The following SMC6 variants were observed in gnomAD, a reference collection of about 807,000 sequenced individuals.
SMC6 encodes the protein structural maintenance of chromosomes protein 6.
In SMC6, 79 loss-of-function variants were observed where a neutral mutation model predicts 142.2. The observed-to-expected ratio is 0.56, with a 90% CI of 0.46 to 0.67. The LOEUF (loss-of-function observed/expected upper bound fraction) is 0.67. Among genes scored for constraint, SMC6 ranks in the 30% least tolerant of loss-of-function variants. SMC6 has a pLI of 0.00. For missense variants in SMC6, 1,072 were observed against 1,284.0 expected (o/e 0.83, Z 2.52); for synonymous variants, 411 against 412.4 (o/e 1.00, Z 0.04).
chr2:17,678,444 C>T (rs1667094075), intron 25 of SMC6, among the ~76,000 whole-genome samples: 1 of 151,938 alleles, frequency 6.6e-6, no homozygotes, highest in Non-Finnish European at 1.5e-5. Flanking sequence ...TCAAAGACAA[C>T]AGGTTAAAGT....
At chr2:17,739,879 A>AACACACACACACACACACACACAC (rs60784309) in intron 4 of SMC6, among the ~76,000 whole-genome samples, 1 of 115,456 alleles carries the variant, frequency 8.7e-6, no homozygotes, top group Admixed American at 9.4e-5. Flanking sequence ...GAATATGGTA[A>AACACACACACACACACACACACAC]ACACACACAC....
At chr2:17,674,833 A>G (rs1490071234) in intron 25 of SMC6, among the ~76,000 whole-genome samples, 1 of 152,098 alleles carries the variant, frequency 6.6e-6, no homozygotes, top group Non-Finnish European at 1.5e-5. Flanking sequence ...CAGCTTAACC[A>G]GCTTCCCTTT....
Position 17,703,135 on chromosome 2 carries a change from TTTATTA to T in SMC6, c.2142+16_2142+21del. The T allele has an allele frequency of 1.6e-6, 2 of 1,277,510 alleles. No individual in the cohort carries two copies. Among genetic ancestry groups the T allele is most frequent in the South Asian group, 1.4e-5 (1 of 70,498 alleles). 79.1% of individuals were successfully genotyped at this position (1,277,510 alleles called of 1,614,324 possible). ...GTAAGTTGAAAAAAACAAAAGAAGGTTTATTATTATTATTTTTTTACCTTTAGTTCT... is the reference window on the plus strand; with the variant it reads ...GTAAGTTGAAAAAAACAAAAGAAGGTTTATTATTTTTTTACCTTTAGTTCT... On this transcript the variant is annotated intron_variant, in intron 19 of 27. Coordinates refer to ENST00000448223, the MANE Select transcript of SMC6 (RefSeq NM_001142286.2).
intron 21 of SMC6, among the ~76,000 whole-genome samples, chr2:17,697,647 T>C (rs1020307747): frequency 1.3e-5 from 2 of 152,116 alleles, no homozygotes; most frequent in Non-Finnish European, 2.9e-5. Flanking sequence ...CACAATGAGA[T>C]ACCACTTCTC....
chr2:17,685,500 C>T (rs62130874), intron 23 of SMC6, among the ~76,000 whole-genome samples: 3,798 of 152,158 alleles, frequency 0.025, 78 homozygotes, highest in South Asian at 0.057. Flanking sequence ...AATATTCATA[C>T]ACACCATTCT....
At chr2:17,724,253 AC>A (rs900572058) in intron 9 of SMC6, among the ~76,000 whole-genome samples, 4 of 152,210 alleles carry the variant, frequency 2.6e-5, no homozygotes, top group African/African-American at 9.6e-5. Context: ...CTTAAACACC[AC>A]CACATAACCC....
chr2:17,729,195 T>C (rs1669786486), intron 7 of SMC6, among the ~76,000 whole-genome samples: 1 of 152,244 alleles, frequency 6.6e-6, no homozygotes, highest in Non-Finnish European at 1.5e-5. Flanking sequence ...TATTCCTTTA[T>C]ATTAAGTTTT....
At position 17,714,973 on chromosome 2, in the gene SMC6, C is replaced by T; in HGVS notation, c.1618G>A (p.Ala540Thr). 1 of 1,613,954 alleles carries T rather than the reference C, an allele frequency of 6.2e-7. No homozygotes were observed. The highest frequency in any genetic ancestry group is 1.1e-5 in the South Asian group (1 of 91,080). ...AGTGCCTGAAGGACCCTTTCATCAG[C>T]ATGATTATGGCAACAATAGGCCTGC... ...LLQAYCCHNH[A>T]DERVLQALMK... is the part of the protein sequence containing the mutation. Residue 540 changes from alanine (A) to threonine (T), a missense_variant, in exon 16 of 28, where the codon GCT becomes ACT. Physicochemically the swap from Ala to Thr is moderately conservative, Grantham distance 58 (BLOSUM62 0). Coordinates refer to ENST00000448223, the MANE Select transcript of SMC6 (RefSeq NM_001142286.2).
At position 17,741,333 on chromosome 2, in the gene SMC6, C is replaced by T. The variant is rs569644861; in HGVS notation, c.238+279G>A. 2.0e-5 allele frequency among the ~76,000 whole-genome samples: 3 copies of T among 152,234 alleles called. No homozygotes were observed. The South Asian group carries it at 6.2e-4, about 32-fold the overall frequency. ...AGGCTGCCTCAATTGCAATGAGGATCGCTTGTCTACCCTTCTATGGTACAG... is the reference window on the plus strand; with the variant it reads ...AGGCTGCCTCAATTGCAATGAGGATTGCTTGTCTACCCTTCTATGGTACAG... On this transcript the variant is annotated intron_variant, in intron 4 of 27. Transcript: ENST00000448223.
rs77887885 is a variant in SMC6 at position 17,719,225 on chromosome 2, C to T, written c.946-1002G>A. Among the ~76,000 whole-genome samples the T allele has an allele frequency of 4.8e-3, 735 of 152,196 alleles. 4 individuals carry two copies. The highest frequency in any genetic ancestry group is 0.016 in the African/African-American group (682 of 41,516). ...ATTGTTTTTTTAATAAAAATGAAAGCTGGATCCAGGTTTTATATAAACTAA... is the reference window on the plus strand; with the variant it reads ...ATTGTTTTTTTAATAAAAATGAAAGTTGGATCCAGGTTTTATATAAACTAA... On this transcript the variant is annotated intron_variant, in intron 11 of 27. Coordinates refer to ENST00000448223, the MANE Select transcript of SMC6 (RefSeq NM_001142286.2).
chr2:17,750,484 A>T (rs1295560395), intron 2 of SMC6, among the ~76,000 whole-genome samples: 1 of 152,210 alleles, frequency 6.6e-6, no homozygotes, highest in African/African-American at 2.4e-5. Context: ...AATGACTTGA[A>T]TTTATGTAGC....
At position 17,707,403 on chromosome 2, in the gene SMC6, T is replaced by A. The variant is rs531944134; in HGVS notation, c.1846-24A>T. On this transcript the variant is annotated intron_variant, in intron 17 of 27. Coordinates refer to ENST00000448223, the MANE Select transcript of SMC6 (RefSeq NM_001142286.2). ...TTCTAAAAGAATAGAAGAAAATAAA[T>A]TTTTTAAGACGATGTGAAAATTTTT... The A allele has an allele frequency of 2.5e-5, 35 of 1,405,398 alleles. No homozygotes were observed. The East Asian group carries it at 5.6e-4, about 23-fold the overall frequency. 87.1% of individuals were successfully genotyped at this position (1,405,398 alleles called of 1,614,324 possible). A position where few individuals can be genotyped will look rare whatever the true frequency, so the allele number is the denominator to read the frequency against.
At chr2:17,724,674 G>A (rs890218242) in intron 9 of SMC6, among the ~76,000 whole-genome samples, 3 of 152,186 alleles carry the variant, frequency 2.0e-5, no homozygotes, top group Non-Finnish European at 4.4e-5. Context: ...ACAAATTGAA[G>A]TAAGTCATGG....
intron 11 of SMC6, 31 bp from the exon 12 acceptor site, chr2:17,718,254 T>A (rs769952347): frequency 4.7e-6 from 7 of 1,498,240 alleles, no homozygotes; most frequent in Middle Eastern, 1.9e-4. Context: ...TGAAGTATAT[T>A]TTTTCTTCAA....
chr2:17,681,524 C>A (rs569351463), intron 24 of SMC6: 1 of 152,278 alleles, frequency 6.6e-6, no homozygotes, highest in South Asian at 2.1e-4. Context: ...CTCTTCCTTT[C>A]ACTTGGACAC....
At chr2:17,700,580 A>G (rs1206888325) in intron 20 of SMC6, among the ~76,000 whole-genome samples, 1 of 152,200 alleles carries the variant, frequency 6.6e-6, no homozygotes, top group Non-Finnish European at 1.5e-5. Flanking sequence ...ATCAGAAGGG[A>G]TGATATTTAG....
rs575180271 is a variant in SMC6, at chr2:17,685,211, A to C, written c.2679-1448T>G. On this transcript the variant is annotated intron_variant, in intron 23 of 27. Coordinates refer to ENST00000448223, the MANE Select transcript of SMC6 (RefSeq NM_001142286.2). Reference sequence around the variant, plus strand: ...ACATAACTAAAGACCTCAAAAAAAAACCAAAACAATGAAACAAAATATTTT... The same window carrying C: ...ACATAACTAAAGACCTCAAAAAAAACCCAAAACAATGAAACAAAATATTTT... 6.6e-4 allele frequency among the ~76,000 whole-genome samples: 100 copies of C among 152,230 alleles called. 1 individual carries two copies. Among genetic ancestry groups the C allele is most frequent in the East Asian group, 2.1e-3 (11 of 5,192 alleles).
Position 17,731,756 on chromosome 2 carries a change from G to C in SMC6, c.466C>G (p.Leu156Val), listed in dbSNP as rs1290946239. 1.9e-6 allele frequency: 3 copies of C among 1,611,984 alleles called. No homozygotes were observed. The highest frequency in any genetic ancestry group is 1.1e-5 in the South Asian group (1 of 90,622). The change falls in exon 6 of 28, where the codon CTT becomes GTT. Residue 156 changes from leucine (L) to valine (V), a missense_variant. By Grantham distance (32) the Leu-to-Val change is conservative. This residue lies in a region of SMC6 where 994 missense variants were observed against 1,153.2 expected (regional missense o/e 0.86). Transcript: ENST00000448223. ...ISIDGSRSYK[L>V]KSATGSVVST... ...CAAAACAAACCTGTTGCACTTTTAA[G>C]TTTATAAGATCGACTTCCATCTATG...
chr2:17,741,491 C>T, intron 4 of SMC6, 121 bp downstream of exon 4: 1 of 617,776 alleles, frequency 1.6e-6, no homozygotes, highest in Non-Finnish European at 2.8e-6. Context: ...TTCATAACCA[C>T]AAGTTATACA....
Sources: gnomAD v4.1 joint callset for allele counts (sites outside exome capture counted in the v4.1 genomes callset) on GRCh38, gnomAD v4.1.1 for gene constraint, gnomAD v4.1.1 regional missense constraint, MANE v1.5 for transcripts, NCBI Gene and HGNC (gene_info 2026-07-23, HGNC 2026-07-21) for gene names.